Variants in EEF1AKMT1 observed in about 807,000 individuals in gnomAD.
EEF1AKMT1 encodes the protein N-6 adenine-specific DNA methyltransferase 2 (putative).
A neutral mutation model predicts 21.0 loss-of-function variants in EEF1AKMT1; 18 were observed. That is an observed-to-expected ratio of 0.86 (90% confidence interval 0.59 to 1.27). EEF1AKMT1 has a LOEUF of 1.27. Among genes scored for constraint, EEF1AKMT1 ranks in the 50% most tolerant of loss-of-function variants. The pLI is 0.00. For missense variants in EEF1AKMT1, 246 were observed against 258.6 expected (o/e 0.95, Z 0.33); for synonymous variants, 109 against 94.8 (o/e 1.15, Z -0.87).
intron 1 of EEF1AKMT1, among the ~76,000 whole-genome samples, chr13:20,767,167 G>A (rs1011750611): frequency 3.3e-5 from 5 of 151,564 alleles, no homozygotes; most frequent in African/African-American, 4.9e-5. Flanking sequence ...TTAGCCGGGC[G>A]TTGTGGCAAG....
intron 2 of EEF1AKMT1, among the ~76,000 whole-genome samples, chr13:20,751,456 T>C (rs1325584042): frequency 1.3e-5 from 2 of 152,144 alleles, no homozygotes; most frequent in African/African-American, 2.4e-5. Context: ...TTGTCAAAAA[T>C]CAGTTGGCTA....
Position 20,731,831 on chromosome 13 carries a change from C to T in EEF1AKMT1, c.508+10G>A, listed in dbSNP as rs1014073853. On this transcript the variant is annotated intron_variant, in intron 4 of 4. Transcript: ENST00000382758. ...AGTGACTTTGATGAGATATGAAATGCAGCACCTACCTGTGCACAGCAGAAT... is the reference window on the plus strand; with the variant it reads ...AGTGACTTTGATGAGATATGAAATGTAGCACCTACCTGTGCACAGCAGAAT... 4 of 1,604,374 alleles carry T rather than the reference C, an allele frequency of 2.5e-6. No individual in the cohort carries two copies. The African/African-American group carries it at 4.0e-5, about 16-fold the overall frequency.
chr13:20,738,463 C>T (rs1253148851), intron 2 of EEF1AKMT1, among the ~76,000 whole-genome samples: 1 of 152,218 alleles, frequency 6.6e-6, no homozygotes, highest in Admixed American at 6.5e-5. Context: ...TGCAATCCTA[C>T]AAACCTATTT....
chr13:20,749,367 G>A (rs1411841487), intron 2 of EEF1AKMT1, among the ~76,000 whole-genome samples: 1 of 152,076 alleles, frequency 6.6e-6, no homozygotes. Flanking sequence ...CCATTACACT[G>A]GGACATTCTG....
At chr13:20,731,775 C>T in intron 4 of EEF1AKMT1, 66 bp downstream of exon 4, 1 of 1,510,500 alleles carries the variant, frequency 6.6e-7, no homozygotes, top group Non-Finnish European at 8.9e-7. Context: ...AGGATTTTTT[C>T]TTGACCCTGA....
chr13:20,767,131 C>T (rs1347530035), intron 1 of EEF1AKMT1, among the ~76,000 whole-genome samples: 1 of 151,492 alleles, frequency 6.6e-6, no homozygotes, highest in African/African-American at 2.4e-5. Flanking sequence ...ACGGTGAAAC[C>T]CCGTCTCCAC....
rs2058774294 is a variant in EEF1AKMT1, at chr13:20,728,923, A to G, written c.*157T>C. ...GCTCTAGGGACGCCCTCCCTAAGGA[A>G]ACAATAATGAAGATCGCACACTTTA... On this transcript the variant is annotated 3_prime_UTR_variant, in exon 5 of 5. Transcript: ENST00000382758. 3.9e-5 allele frequency: 37 copies of G among 937,898 alleles called. No homozygotes were observed. The South Asian group carries it at 6.1e-4, about 15-fold the overall frequency. The allele number at this position is 937,898 out of a possible 1,614,324, so 58.1% of individuals were successfully genotyped here.
chr13:20,741,899 C>T (rs1284001375), intron 2 of EEF1AKMT1, among the ~76,000 whole-genome samples: 1 of 152,130 alleles, frequency 6.6e-6, no homozygotes. Flanking sequence ...AACTTTGTAA[C>T]CTAACATTGT....
At chr13:20,730,696 C>T (rs2058787522) in intron 4 of EEF1AKMT1, among the ~76,000 whole-genome samples, 1 of 152,072 alleles carries the variant, frequency 6.6e-6, no homozygotes, top group Admixed American at 6.6e-5. Flanking sequence ...ATTGTAAACA[C>T]ACCAATCAGC....
intron 1 of EEF1AKMT1, among the ~76,000 whole-genome samples, chr13:20,761,094 A>T (rs528969391): frequency 1.3e-5 from 2 of 152,226 alleles, no homozygotes; most frequent in African/African-American, 2.4e-5. Flanking sequence ...AGTTTTACAC[A>T]CATTTATTTG....
At chr13:20,744,490 C>T (rs79622416) in intron 2 of EEF1AKMT1, among the ~76,000 whole-genome samples, 115,061 of 152,178 alleles carry the variant, frequency 0.76, 45,096 homozygotes, top group East Asian at 1. Context: ...TCTTTCCTTT[C>T]GAGAAGTGTC....
intron 2 of EEF1AKMT1, among the ~76,000 whole-genome samples, chr13:20,744,229 TTC>T (rs1184433637): frequency 6.6e-6 from 1 of 152,188 alleles, no homozygotes; most frequent in East Asian, 1.9e-4. Flanking sequence ...CAAATGGTAT[TTC>T]TCGTTCTAGA....
At chr13:20,767,122 C>T (rs374888585) in intron 1 of EEF1AKMT1, among the ~76,000 whole-genome samples, 7 of 151,636 alleles carry the variant, frequency 4.6e-5, no homozygotes, top group African/African-American at 9.7e-5. Context: ...CTGGCTAACA[C>T]GGTGAAACCC....
intron 1 of EEF1AKMT1, among the ~76,000 whole-genome samples, chr13:20,762,517 A>T (rs1464900545): frequency 6.6e-6 from 1 of 151,866 alleles, no homozygotes; most frequent in East Asian, 1.9e-4. Flanking sequence ...AATAGGAGTG[A>T]TAAGAGCAGA....
At chr13:20,766,955 CATTGTTAAATTAAAAACTCATACA>C (rs2059037361) in intron 1 of EEF1AKMT1, among the ~76,000 whole-genome samples, 1 of 152,172 alleles carries the variant, frequency 6.6e-6, no homozygotes. Flanking sequence ...TGCCACACTA[CATTGTTAAATTAAAAACTCATACA>C]TATATTTAAC....
intron 2 of EEF1AKMT1, among the ~76,000 whole-genome samples, chr13:20,745,983 A>G (rs542311047): frequency 1.3e-5 from 2 of 152,236 alleles, no homozygotes; most frequent in African/African-American, 2.4e-5. Flanking sequence ...ACCAATAAAT[A>G]TTTACTGAAT....
chr13:20,733,320 T>C (rs1460195613), intron 3 of EEF1AKMT1, among the ~76,000 whole-genome samples: 5 of 152,166 alleles, frequency 3.3e-5, no homozygotes, highest in African/African-American at 9.7e-5. Flanking sequence ...GGTCTTGAAC[T>C]CCTGACTTCA....
At chr13:20,760,897 C>T (rs1185161572) in intron 1 of EEF1AKMT1, among the ~76,000 whole-genome samples, 1 of 152,020 alleles carries the variant, frequency 6.6e-6, no homozygotes, top group Non-Finnish European at 1.5e-5. Flanking sequence ...TTTTCTACAC[C>T]AATTCTCATT....
intron 1 of EEF1AKMT1, among the ~76,000 whole-genome samples, chr13:20,766,307 A>AG (rs2059031943): frequency 6.7e-6 from 1 of 149,856 alleles, no homozygotes; most frequent in African/African-American, 2.5e-5. Context: ...TCAAAAAAAA[A>AG]AAAAAAAAGA....
Sources: gnomAD v4.1 joint callset for allele counts (sites outside exome capture counted in the v4.1 genomes callset) on GRCh38, gnomAD v4.1.1 for gene constraint, MANE v1.5 for transcripts, NCBI Gene and HGNC (gene_info 2026-07-23, HGNC 2026-07-21) for gene names.